The following TPCN2 variants were observed in gnomAD, a reference collection of about 807,000 sequenced individuals.
TPCN2 encodes two pore segment channel 2, also known as two pore channel protein 2.
In TPCN2, 92 loss-of-function variants were observed where a neutral mutation model predicts 111.4. That is an observed-to-expected ratio of 0.83 (90% CI 0.70 to 0.98). The LOEUF is 0.98. TPCN2 is among the 50% of genes least tolerant of loss of function. TPCN2 has a pLI of 0.00. For synonymous variants in TPCN2, 405 were observed against 414.5 expected (o/e 0.98, Z 0.28); for missense variants, 995 against 980.1 (o/e 1.02, Z -0.20).
In TPCN2 at chr11:69,072,717, C is replaced by T. The variant is rs1855588783; in HGVS notation, c.1143+9C>T. ...AACAGGCCATGATGGAGGTACCCGC[C>T]CCCTGCTCCCAGCCTCCTCTGGGCT... On this transcript the variant is annotated intron_variant, in intron 12 of 24. Transcript: ENST00000294309. The T allele has an allele frequency of 2.5e-6, 4 of 1,613,518 alleles. No homozygotes were observed. Among genetic ancestry groups the T allele is most frequent in the Non-Finnish European group, 3.4e-6 (4 of 1,179,964 alleles).
At chr11:69,079,659 G>T in intron 16 of TPCN2, 175 bp from the exon 17 acceptor site, 1 of 589,696 alleles carries the variant, frequency 1.7e-6, no homozygotes, top group Non-Finnish European at 3.0e-6. Flanking sequence ...CTTTCCAGCT[G>T]AAAGAAGTCC....
At chr11:69,052,566 C>T (rs1298753946) in intron 1 of TPCN2, among the ~76,000 whole-genome samples, 4 of 152,128 alleles carry the variant, frequency 2.6e-5, no homozygotes, top group Admixed American at 6.5e-5. Flanking sequence ...AGGGAAGGCT[C>T]TTGCTCCCGG....
intron 16 of TPCN2, 37 bp from the exon 17 acceptor site, chr11:69,079,797 T>TG (rs1855930614): frequency 5.6e-6 from 9 of 1,602,480 alleles, no homozygotes; most frequent in Non-Finnish European, 7.7e-6. Context: ...AGATTAGTGT[T>TG]GCTGTAGCGA....
chr11:69,080,331 A>T (rs891791878), intron 17 of TPCN2, among the ~76,000 whole-genome samples: 1 of 152,186 alleles, frequency 6.6e-6, no homozygotes, highest in Non-Finnish European at 1.5e-5. Context: ...CCCACTCTGG[A>T]CATCACTTTA....
chr11:69,079,940 C>A (rs1855936614), intron 17 of TPCN2, 57 bp downstream of exon 17: 2 of 1,559,048 alleles, frequency 1.3e-6, no homozygotes, highest in Admixed American at 3.4e-5. Flanking sequence ...CCACCCAGCG[C>A]CCCTGGGAGG....
rs113523208 is a variant in TPCN2 at position 69,057,561 on chromosome 11, G to T, written c.430-17G>T. 5.8e-3 allele frequency: 9,394 copies of T among 1,611,148 alleles called. 465 individuals carry two copies. The African/African-American group carries it at 0.11, about 18-fold the overall frequency. ...GTGTGGGGCTACTTGCTGCTCACCCGCCCGTCTATCTTGCAGGGTTACCTG... is the reference window on the plus strand; with the variant it reads ...GTGTGGGGCTACTTGCTGCTCACCCTCCCGTCTATCTTGCAGGGTTACCTG... On this transcript the variant is annotated splice_polypyrimidine_tract_variant and intron_variant, in intron 4 of 24. Transcript: ENST00000294309.
chr11:69,071,320 G>A (rs377629042), intron 9 of TPCN2, 36 bp from the exon 10 acceptor site: 122 of 1,591,808 alleles, frequency 7.7e-5, no homozygotes, highest in Non-Finnish European at 1.0e-4. Context: ...CTGCTGTACT[G>A]GTGGCGCCCC....
Position 69,085,836 on chromosome 11 carries a change from C to G in TPCN2, c.1921-12C>G, listed in dbSNP as rs1396169631. ...CTGGGCCCTCCTGGACCGCTGGTCT[C>G]TGCCCCCGCAGGCTGCCCTGGTCAC... On this transcript the variant is annotated splice_polypyrimidine_tract_variant and intron_variant, in intron 21 of 24. Coordinates refer to ENST00000294309, the MANE Select transcript of TPCN2 (RefSeq NM_139075.4). The G allele has an allele frequency of 6.2e-7, 1 of 1,614,160 alleles. No homozygotes were observed. Among genetic ancestry groups the G allele is most frequent in the Non-Finnish European group, 8.5e-7 (1 of 1,179,986 alleles).
At chr11:69,056,644 C>A (rs1286379299) in intron 4 of TPCN2, among the ~76,000 whole-genome samples, 3 of 151,054 alleles carry the variant, frequency 2.0e-5, no homozygotes, top group Non-Finnish European at 4.4e-5. Context: ...GGTGATTCTC[C>A]TGCCTCAGCC....
chr11:69,053,392 C>T (rs1861322671), intron 1 of TPCN2, among the ~76,000 whole-genome samples: 1 of 152,094 alleles, frequency 6.6e-6, no homozygotes, highest in Admixed American at 6.5e-5. Flanking sequence ...TGGTAGCACT[C>T]ATGAAGCCTC....
chr11:69,085,929 C>T lies in TPCN2; in HGVS notation c.2002C>T (p.Pro668Ser), dbSNP rs371515324. The change falls in exon 22 of 25, where the codon CCG becomes TCG. Residue 668 changes from proline (P) to serine (S), a missense_variant and splice_region_variant. Coordinates refer to ENST00000294309, the MANE Select transcript of TPCN2 (RefSeq NM_139075.4). ...FLDAYRRYSG[P>S]WSKIYFVLWW... ...GGATGCATATCGGCGCTACTCAGGC[C>T]CGTGAGTCCTCGTCTCCCTGACGGC... 4.8e-5 allele frequency: 77 copies of T among 1,613,466 alleles called. No individual in the cohort carries two copies. The highest frequency in any genetic ancestry group is 6.5e-5 in the Non-Finnish European group (77 of 1,179,590).
intron 11 of TPCN2, 55 bp downstream of exon 11, chr11:69,072,078 G>C (rs1207475576): frequency 1.3e-6 from 2 of 1,482,046 alleles, no homozygotes; most frequent in African/African-American, 2.8e-5. Context: ...GTGGCTGCTG[G>C]GCAGGGGCCG....
In TPCN2 at chr11:69,087,276, G is replaced by A. The variant is rs866093025; in HGVS notation, c.2180+70G>A. 5.0e-6 allele frequency: 7 copies of A among 1,404,448 alleles called. No individual in the cohort carries two copies. In the Middle Eastern group the frequency reaches 7.2e-4, roughly 144 times the overall value. 87.0% of individuals were successfully genotyped at this position (1,404,448 alleles called of 1,614,324 possible). A position where few individuals can be genotyped will look rare whatever the true frequency, so the allele number is the denominator to read the frequency against. On this transcript the variant is annotated intron_variant, in intron 24 of 24. Coordinates refer to ENST00000294309, the MANE Select transcript of TPCN2 (RefSeq NM_139075.4). ...GAAGCCAAGAGCTGGGGGGTGGAGG[G>A]GTTGAGGCGGCGGGCAGGCCCTGAT...
chr11:69,075,720 C>T lies in TPCN2; in HGVS notation c.1230+2719C>T, dbSNP rs56774745. On this transcript the variant is annotated intron_variant, in intron 13 of 24. Transcript: ENST00000294309. ...CCGTGTGGGGTCACTGCCTGGGCGT[C>T]AGCCTGGCCGTGGCCAGGGAGTCGG... Among the ~76,000 whole-genome samples, 1,416 of 152,302 alleles carry T rather than the reference C, an allele frequency of 9.3e-3. 28 individuals are homozygous for T. Among genetic ancestry groups the T allele is most frequent in the African/African-American group, 0.032 (1,311 of 41,562 alleles).
intron 23 of TPCN2, 72 bp from the exon 24 acceptor site, chr11:69,087,040 A>AG (rs1297312953): frequency 5.1e-6 from 7 of 1,364,588 alleles, no homozygotes; most frequent in South Asian, 2.4e-5. Flanking sequence ...CTGACCCTGG[A>AG]GGGGCCGGGG....
chr11:69,072,731 C>A (rs986387357), intron 12 of TPCN2, 23 bp downstream of exon 12: 5 of 1,612,578 alleles, frequency 3.1e-6, no homozygotes, highest in Non-Finnish European at 4.2e-6. Context: ...TGCTCCCAGC[C>A]TCCTCTGGGC....
intron 2 of TPCN2, 52 bp from the exon 3 acceptor site, chr11:69,054,669 G>C: frequency 6.4e-7 from 1 of 1,567,882 alleles, no homozygotes; most frequent in South Asian, 1.1e-5. Flanking sequence ...CTCGGGTCAC[G>C]GCCCACCCTG....
chr11:69,056,181 C>T (rs575653529), intron 4 of TPCN2, among the ~76,000 whole-genome samples: 4 of 152,368 alleles, frequency 2.6e-5, no homozygotes, highest in African/African-American at 9.6e-5. Flanking sequence ...CAGCCCTCCT[C>T]AGCGCCAGCC....
At position 69,079,814 on chromosome 11, in the gene TPCN2, C is replaced by G. The variant is rs373397028; in HGVS notation, c.1540-20C>G. The G allele has an allele frequency of 1.9e-6, 3 of 1,612,766 alleles. No homozygotes were observed. Among genetic ancestry groups the G allele is most frequent in the Admixed American group, 1.7e-5 (1 of 59,880 alleles). ...ATTAGTGTTGCTGTAGCGAAGCCTT[C>G]TTTTCTTTTGTAATTAAAGGTTTTG... On this transcript the variant is annotated intron_variant, in intron 16 of 24. Coordinates refer to ENST00000294309, the MANE Select transcript of TPCN2 (RefSeq NM_139075.4).
Sources: allele counts gnomAD v4.1 joint callset (sites outside exome capture counted in the v4.1 genomes callset), GRCh38; gene constraint gnomAD v4.1.1; transcripts MANE v1.5; gene names NCBI Gene and HGNC (gene_info 2026-07-23, HGNC 2026-07-21).